Variants in WWTR1 observed in about 807,000 individuals in gnomAD.
WWTR1 encodes the protein WW domain-containing transcription regulator protein 1.
Under a neutral mutation model 40.1 loss-of-function variants are expected in WWTR1, and 13 were observed. That is an observed-to-expected ratio of 0.32 (90% confidence interval 0.21 to 0.52). WWTR1 has a LOEUF of 0.52. Among genes scored for constraint, WWTR1 ranks in the 20% least tolerant of loss-of-function variants. The pLI, the probability that WWTR1 is intolerant of heterozygous loss-of-function variation, is 0.97. For synonymous variants in WWTR1, 230 were observed against 210.1 expected (o/e 1.09, Z -0.82); for missense variants, 436 against 523.1 (o/e 0.83, Z 1.63).
intron 3 of WWTR1, among the ~76,000 whole-genome samples, chr3:149,557,975 C>T (rs1390042705): frequency 6.8e-6 from 1 of 147,756 alleles, no homozygotes; most frequent in South Asian, 2.1e-4. Flanking sequence ...TGCACTCCAA[C>T]CTGGGTGACA....
chr3:149,686,499 C>T (rs1404023729), intron 1 of WWTR1, among the ~76,000 whole-genome samples: 2 of 152,096 alleles, frequency 1.3e-5, no homozygotes, highest in African/African-American at 4.8e-5. Flanking sequence ...CACTGCACTC[C>T]AGCCTGGGCA....
intron 2 of WWTR1, among the ~76,000 whole-genome samples, chr3:149,666,063 A>G (rs2117753): frequency 0.19 from 29,620 of 152,076 alleles, 3,129 homozygotes; most frequent in Admixed American, 0.3. Flanking sequence ...CACCTGATTA[A>G]AACATTTATT....
intron 3 of WWTR1, among the ~76,000 whole-genome samples, chr3:149,559,461 A>G (rs76535751): frequency 0.031 from 4,741 of 152,244 alleles, 172 homozygotes; most frequent in East Asian, 0.15. Context: ...AGATGGATAG[A>G]TGCAACCGTG....
intron 4 of WWTR1, among the ~76,000 whole-genome samples, chr3:149,723,034 AT>A (rs202120110): frequency 1.9e-4 from 28 of 150,534 alleles, no homozygotes; most frequent in African/African-American, 4.4e-4. Context: ...ATTTCTTGTT[AT>A]TTTTTTTCCC....
chr3:149,540,992 A>G (rs1736073596), intron 4 of WWTR1: 1 of 454,974 alleles, frequency 2.2e-6, no homozygotes. Flanking sequence ...TATCAAATGT[A>G]GCTTTAAAAA....
At chr3:149,558,462 C>T in intron 3 of WWTR1, among the ~76,000 whole-genome samples, 1 of 152,140 alleles carries the variant, frequency 6.6e-6, no homozygotes, top group East Asian at 1.9e-4. Context: ...ACCAAAAAGC[C>T]TTTCCACATA....
At chr3:149,584,427 G>C (rs1262473818) in intron 2 of WWTR1, among the ~76,000 whole-genome samples, 2 of 152,146 alleles carry the variant, frequency 1.3e-5, no homozygotes. Flanking sequence ...GCACATGTTT[G>C]AAAGGCATGA....
intron 3 of WWTR1, among the ~76,000 whole-genome samples, chr3:149,563,119 C>A (rs1207893089): frequency 6.6e-6 from 1 of 152,010 alleles, no homozygotes. Context: ...TGAAAATTGT[C>A]AAAATTATTT....
At chr3:149,588,326 C>T (rs573280259) in intron 2 of WWTR1, among the ~76,000 whole-genome samples, 1 of 152,184 alleles carries the variant, frequency 6.6e-6, no homozygotes, top group East Asian at 1.9e-4. Context: ...AGCCAGCAAA[C>T]CAGCTCTTGA....
At position 149,656,901 on chromosome 3, in the gene WWTR1, C is replaced by G; in HGVS notation, c.406G>C (p.Ala136Pro). 6.5e-7 allele frequency: 1 copy of G among 1,539,420 alleles called. No homozygotes were observed. The highest frequency in any genetic ancestry group is 8.7e-7 in the Non-Finnish European group (1 of 1,149,992). ...TTGAGGAAGTACCTCTGGCCAGTGG[C>G]CGTGAAGGTCATCTCCCAGCCCGGG... is the stretch of plus-strand genomic sequence containing the variant. ...LPPGWEMTFT[A>P]TGQRYFLNHI... is the part of the protein sequence containing the mutation. Residue 136 changes from alanine (A) to proline (P), a missense_variant, in exon 2 of 7, where the codon GCC becomes CCC. Transcript: ENST00000360632.
At chr3:149,577,800 G>T (rs181063176) in intron 2 of WWTR1, among the ~76,000 whole-genome samples, 1 of 152,036 alleles carries the variant, frequency 6.6e-6, no homozygotes, top group Non-Finnish European at 1.5e-5. Context: ...AATTGGTGGG[G>T]TGGCACTCCC....
At chr3:149,640,376 C>G (rs1254755370) in intron 2 of WWTR1, among the ~76,000 whole-genome samples, 1 of 152,014 alleles carries the variant, frequency 6.6e-6, no homozygotes, top group Admixed American at 6.6e-5. Context: ...TTTCATAAAC[C>G]AATGCTTTTG....
chr3:149,590,921 A>G (rs979245185), intron 2 of WWTR1, among the ~76,000 whole-genome samples: 15 of 152,056 alleles, frequency 9.9e-5, no homozygotes, highest in Admixed American at 1.3e-4. Context: ...TCTTGCTTCA[A>G]TAACACACCA....
chr3:149,611,918 C>T (rs1379440947), intron 2 of WWTR1, among the ~76,000 whole-genome samples: 1 of 152,188 alleles, frequency 6.6e-6, no homozygotes, highest in African/African-American at 2.4e-5. Context: ...TTCAAAAACA[C>T]TTCTATTTAC....
At chr3:149,589,929 A>C (rs934298143) in intron 2 of WWTR1, among the ~76,000 whole-genome samples, 3 of 152,212 alleles carry the variant, frequency 2.0e-5, no homozygotes, top group African/African-American at 7.2e-5. Flanking sequence ...TCATAAAACT[A>C]ATCTAGGAAG....
intron 3 of WWTR1, among the ~76,000 whole-genome samples, chr3:149,566,428 G>A (rs914603462): frequency 6.6e-6 from 1 of 152,226 alleles, no homozygotes; most frequent in African/African-American, 2.4e-5. Context: ...GTTTGTGCGT[G>A]TATGTGCCGG....
At chr3:149,711,481 A>T (rs1300737459) in intron 5 of WWTR1, among the ~76,000 whole-genome samples, 1 of 152,198 alleles carries the variant, frequency 6.6e-6, no homozygotes, top group East Asian at 1.9e-4. Flanking sequence ...TACTAGGGGT[A>T]CTAGAGCTTA....
chr3:149,588,165 G>A (rs557577139), intron 2 of WWTR1, among the ~76,000 whole-genome samples: 49 of 152,260 alleles, frequency 3.2e-4, no homozygotes, highest in African/African-American at 1.1e-3. Context: ...GTTTTTAAAC[G>A]GAAGCAATAG....
chr3:149,522,880 T>C (rs1735122418), intron 6 of WWTR1, among the ~76,000 whole-genome samples: 1 of 151,492 alleles, frequency 6.6e-6, no homozygotes, highest in Non-Finnish European at 1.5e-5. Flanking sequence ...CTACTAAAAA[T>C]ACAACAAACA....
Sources: allele counts gnomAD v4.1 joint callset (sites outside exome capture counted in the v4.1 genomes callset), GRCh38; gene constraint gnomAD v4.1.1; transcripts MANE v1.5; gene names NCBI Gene and HGNC (gene_info 2026-07-23, HGNC 2026-07-21).